TG: variants seen among roughly 807,000 people sequenced by gnomAD.
The protein encoded by TG is thyroglobulin.
TG carries 270 observed loss-of-function variants against 324.7 expected under a neutral mutation model. The ratio of observed to expected loss-of-function variants is 0.83; its 90% confidence interval spans 0.75 to 0.92. The LOEUF (loss-of-function observed/expected upper bound fraction) is 0.92, where lower values mean the gene tolerates loss of function less well. Among genes scored for constraint, TG ranks in the 40% least tolerant of loss-of-function variants. The pLI, the probability that TG is intolerant of heterozygous loss-of-function variation, is 0.00. For synonymous variants in TG, 1,401 were observed against 1,327.0 expected (o/e 1.06, Z -1.21); for missense variants, 3,591 against 3,456.4 (o/e 1.04, Z -0.98).
intron 16 of TG, among the ~76,000 whole-genome samples, chr8:132,905,500 A>G (rs1047850141): frequency 1.3e-5 from 2 of 152,224 alleles, no homozygotes; most frequent in Non-Finnish European, 2.9e-5. Context: ...ATGTTAAGTC[A>G]TATACTGGTC....
intron 19 of TG, among the ~76,000 whole-genome samples, chr8:132,912,621 T>C (rs942244980): frequency 2.0e-5 from 3 of 152,086 alleles, no homozygotes; most frequent in African/African-American, 7.2e-5. Flanking sequence ...CATTCTCTCC[T>C]AGGACCCTTA....
chr8:133,128,206 C>T (rs927962728), intron 45 of TG, among the ~76,000 whole-genome samples: 21 of 152,074 alleles, frequency 1.4e-4, no homozygotes, highest in Non-Finnish European at 3.1e-4. Flanking sequence ...CAGCATCCAT[C>T]CAGAGGACAG....
At chr8:133,058,261 G>T (rs1841824937) in intron 41 of TG, among the ~76,000 whole-genome samples, 1 of 152,142 alleles carries the variant, frequency 6.6e-6, no homozygotes. Context: ...GGTTGAAAAA[G>T]CAGCCCACCA....
chr8:133,100,110 T>G (rs1849016987), intron 43 of TG, among the ~76,000 whole-genome samples: 1 of 152,242 alleles, frequency 6.6e-6, no homozygotes, highest in African/African-American at 2.4e-5. Context: ...TGTTCCCTCT[T>G]GGCTCACTGG....
chr8:133,002,240 C>T lies in TG; in HGVS notation c.6263-9661C>T, dbSNP rs73359316. The stretch of plus-strand genomic sequence containing the variant: ...TCACCTGTCATTACCTGCCAGCAAG[C>T]GGCAGACCTCTGCCTGTGGGGTGCA... On this transcript the variant is annotated intron_variant, in intron 35 of 47. Coordinates refer to ENST00000220616, the MANE Select transcript of TG (RefSeq NM_003235.5). The T allele has an allele frequency of 4.6e-3, 4,576 of 985,402 alleles. 169 individuals carry two copies. The African/African-American group carries it at 0.074, about 16-fold the overall frequency. The allele number at this position is 985,402 out of a possible 1,614,324, so 61.0% of individuals were successfully genotyped here.
chr8:132,886,440 T>G lies in TG; in HGVS notation c.1076-8T>G. On this transcript the variant is annotated splice_region_variant and splice_polypyrimidine_tract_variant and intron_variant, in intron 8 of 47. Coordinates refer to ENST00000220616, the MANE Select transcript of TG (RefSeq NM_003235.5). ...ACCTTTTCTCCCATTTCACTTTGTC[T>G]CATGCAGCTGAAGGCCAATCTTGTG... 6.2e-7 allele frequency: 1 copy of G among 1,614,176 alleles called. No individual in the cohort carries two copies. The highest frequency in any genetic ancestry group is 1.1e-5 in the South Asian group (1 of 91,078).
At chr8:133,014,279 A>G (rs1161415504) in intron 37 of TG, among the ~76,000 whole-genome samples, 1 of 152,234 alleles carries the variant, frequency 6.6e-6, no homozygotes, top group African/African-American at 2.4e-5. Flanking sequence ...GCATCTAAAC[A>G]CTTCAGAGAG....
intron 43 of TG, among the ~76,000 whole-genome samples, chr8:133,108,296 T>G (rs1424764417): frequency 6.6e-6 from 1 of 152,064 alleles, no homozygotes; most frequent in Non-Finnish European, 1.5e-5. Context: ...TGGGGACCAC[T>G]CCTTTATCTA....
At chr8:133,132,357 GA>G (rs988216355) in intron 46 of TG, among the ~76,000 whole-genome samples, 1 of 152,194 alleles carries the variant, frequency 6.6e-6, no homozygotes, top group Admixed American at 6.5e-5. Context: ...ATGTCCCCTG[GA>G]GGGAAAACCA....
chr8:133,012,200 C>A (rs1241021493), intron 36 of TG, among the ~76,000 whole-genome samples, 165 bp downstream of exon 36: 2 of 152,156 alleles, frequency 1.3e-5, no homozygotes, highest in African/African-American at 4.8e-5. Context: ...CTCCTCATTA[C>A]CCCACAGGGC....
At chr8:132,958,013 C>T (rs1827183379) in intron 27 of TG, among the ~76,000 whole-genome samples, 1 of 152,166 alleles carries the variant, frequency 6.6e-6, no homozygotes, top group Non-Finnish European at 1.5e-5. Context: ...AGCTTAGCTC[C>T]CACATATCAG....
At chr8:133,018,346 T>A (rs1332821650) in intron 38 of TG, among the ~76,000 whole-genome samples, 4 of 152,088 alleles carry the variant, frequency 2.6e-5, no homozygotes, top group African/African-American at 4.8e-5. Context: ...TGTGAAATAA[T>A]TGACAGGAGA....
At chr8:132,964,891 G>A (rs1452712696) in intron 29 of TG, 2 of 702,144 alleles carry the variant, frequency 2.8e-6, no homozygotes, top group African/African-American at 3.5e-5. Flanking sequence ...GGCCAGGAAA[G>A]GTTTCTCGGA....
At chr8:133,134,512 C>T (rs942794920) in intron 47 of TG, among the ~76,000 whole-genome samples, 164 bp from the exon 48 acceptor site, 1 of 152,188 alleles carries the variant, frequency 6.6e-6, no homozygotes, top group African/African-American at 2.4e-5. Context: ...GTCCCTATAG[C>T]CAGGAGACCC....
intron 39 of TG, among the ~76,000 whole-genome samples, chr8:133,021,492 C>A (rs1380048175): frequency 1.3e-5 from 2 of 152,228 alleles, no homozygotes; most frequent in Non-Finnish European, 2.9e-5. Flanking sequence ...CAGTTTCCTT[C>A]TCTATGAATG....
chr8:133,010,667 C>T (rs1252678810), intron 35 of TG, among the ~76,000 whole-genome samples: 1 of 152,150 alleles, frequency 6.6e-6, no homozygotes, highest in Non-Finnish European at 1.5e-5. Flanking sequence ...CATCCATTGA[C>T]CTAGACTCAC....
chr8:133,114,386 C>T lies in TG; in HGVS notation c.7754+783C>T, dbSNP rs569605572. 5.3e-4 allele frequency among the ~76,000 whole-genome samples: 81 copies of T among 152,338 alleles called. 1 individual carries two copies. Among genetic ancestry groups the T allele is most frequent in the African/African-American group, 1.8e-3 (76 of 41,578 alleles). On this transcript the variant is annotated intron_variant, in intron 44 of 47. Coordinates refer to ENST00000220616, the MANE Select transcript of TG (RefSeq NM_003235.5). ...TCCCCAGGGTCCCTCTCTTGCAGCACGCCCCCGGCCCCAGGGGTTGTCGGG... is the reference window on the plus strand; with the variant it reads ...TCCCCAGGGTCCCTCTCTTGCAGCATGCCCCCGGCCCCAGGGGTTGTCGGG...
At chr8:133,062,738 G>T (rs2248578) in intron 41 of TG, among the ~76,000 whole-genome samples, 3 of 151,668 alleles carry the variant, frequency 2.0e-5, no homozygotes, top group African/African-American at 7.3e-5. Flanking sequence ...AGGAAGCATG[G>T]GTGTGACATG....
intron 20 of TG, among the ~76,000 whole-genome samples, chr8:132,913,939 C>T (rs555629346): frequency 2.2e-4 from 34 of 152,300 alleles, no homozygotes; most frequent in Non-Finnish European, 4.6e-4. Flanking sequence ...AAATCTGTTT[C>T]CTCACCTTTT....
Sources: gnomAD v4.1 joint callset for allele counts (sites outside exome capture counted in the v4.1 genomes callset) on GRCh38, gnomAD v4.1.1 for gene constraint, MANE v1.5 for transcripts, NCBI Gene and HGNC (gene_info 2026-07-23, HGNC 2026-07-21) for gene names.